Variants in WNK3 observed in about 807,000 individuals in gnomAD.
The protein encoded by WNK3 is serine/threonine-protein kinase WNK3.
WNK3 carries 18 observed loss-of-function variants against 116.7 expected under a neutral mutation model. The observed-to-expected ratio is 0.15, with a 90% CI of 0.11 to 0.23. The LOEUF is 0.23. Ranked by LOEUF, WNK3 falls within the 10% of genes least tolerant of loss-of-function variation. The pLI, the probability that WNK3 is intolerant of heterozygous loss-of-function variation, is 1.00. For missense variants in WNK3, 993 were observed against 1,323.8 expected (o/e 0.75, Z 3.88); for synonymous variants, 404 against 469.4 (o/e 0.86, Z 1.80).
chrX:54,305,729 A>C, intron 5 of WNK3, among the ~76,000 whole-genome samples: 1 of 110,463 alleles, frequency 9.1e-6, no homozygotes, highest in Non-Finnish European at 1.9e-5. Context: ...CTGTAAACTG[A>C]AGATTGCACC....
intron 17 of WNK3, among the ~76,000 whole-genome samples, chrX:54,240,284 C>T (rs782715013): frequency 1.4e-4 from 15 of 105,082 alleles, no homozygotes; most frequent in Non-Finnish European, 1.9e-5. Context: ...GCCTGGGCAA[C>T]AAGAACGAAA....
intron 10 of WNK3, among the ~76,000 whole-genome samples, chrX:54,280,085 T>C (rs1284353605): frequency 1.8e-5 from 2 of 111,584 alleles, no homozygotes; most frequent in Non-Finnish European, 3.8e-5. Context: ...GATCAGGAGG[T>C]CAGGAGTTCA....
intron 22 of WNK3, among the ~76,000 whole-genome samples, chrX:54,204,396 G>A (rs1403603664): frequency 8.9e-6 from 1 of 111,803 alleles, no homozygotes; most frequent in Non-Finnish European, 1.9e-5. Flanking sequence ...GAGATTACAG[G>A]TGTGAGCCAC....
chrX:54,313,757 C>T (rs2068915180), intron 2 of WNK3, among the ~76,000 whole-genome samples: 2 of 112,104 alleles, frequency 1.8e-5, no homozygotes, highest in South Asian at 3.6e-4. Context: ...TTTGAAAATG[C>T]TATTAGAGGT....
chrX:54,213,667 T>C (rs1037020610), intron 22 of WNK3, among the ~76,000 whole-genome samples: 2 of 98,723 alleles, frequency 2.0e-5, no homozygotes, highest in Non-Finnish European at 4.1e-5. Flanking sequence ...AAATTTAAAA[T>C]GGGAAAACAG....
intron 1 of WNK3, among the ~76,000 whole-genome samples, chrX:54,356,584 A>C (rs1557179439): frequency 8.9e-6 from 1 of 111,834 alleles, no homozygotes; most frequent in Admixed American, 9.6e-5. Flanking sequence ...GACCGTCTTA[A>C]AAGACACCCG....
chrX:54,308,336 C>T (rs1462371239), intron 4 of WNK3, among the ~76,000 whole-genome samples: 1 of 110,082 alleles, frequency 9.1e-6, no homozygotes, highest in Non-Finnish European at 1.9e-5. Context: ...GGATTACAAG[C>T]GCCTGCCACC....
chrX:54,195,568 A>G (rs1305290391), exon 24 of WNK3: 1 of 111,823 alleles, frequency 8.9e-6, no homozygotes, highest in East Asian at 2.8e-4. Context: ...TGAACCAAAC[A>G]TGTAAGTCAT....
intron 20 of WNK3, among the ~76,000 whole-genome samples, chrX:54,235,132 G>C (rs781903747): frequency 8.2e-4 from 92 of 111,744 alleles, no homozygotes; most frequent in African/African-American, 2.9e-3. Context: ...ATCTATCATT[G>C]GAATGACAGT....
chrX:54,310,723 G>A (rs371855394), intron 3 of WNK3, among the ~76,000 whole-genome samples: 15 of 108,925 alleles, frequency 1.4e-4, no homozygotes, highest in East Asian at 5.7e-4. Flanking sequence ...CACTAGATTC[G>A]AATCTACAAA....
chrX:54,318,130 G>A (rs2068984211), intron 2 of WNK3, among the ~76,000 whole-genome samples: 3 of 109,006 alleles, frequency 2.8e-5, no homozygotes, highest in African/African-American at 1.0e-4. Flanking sequence ...AGGTCAAGAC[G>A]GGCAGATAAC....
chrX:54,293,698 T>C (rs1013671214), intron 8 of WNK3, among the ~76,000 whole-genome samples: 4 of 112,077 alleles, frequency 3.6e-5, no homozygotes, highest in Non-Finnish European at 7.5e-5. Context: ...ATACTGTCTT[T>C]GTAGAACAAT....
At chrX:54,323,450 A>G (rs1298311754) in intron 2 of WNK3, among the ~76,000 whole-genome samples, 1 of 111,169 alleles carries the variant, frequency 9.0e-6, no homozygotes, top group Non-Finnish European at 1.9e-5. Context: ...GCTTGAGGCC[A>G]GGAGTTAGAG....
intron 22 of WNK3, among the ~76,000 whole-genome samples, chrX:54,219,554 T>C (rs1035317310): frequency 7.5e-5 from 8 of 106,024 alleles, no homozygotes; most frequent in Non-Finnish European, 1.4e-4. Context: ...GGCGGGCACC[T>C]GTAATCCCAG....
intron 13 of WNK3, among the ~76,000 whole-genome samples, chrX:54,252,978 A>C (rs1183984980): frequency 9.1e-6 from 1 of 110,234 alleles, no homozygotes; most frequent in Non-Finnish European, 1.9e-5. Context: ...GGGAAGAAAT[A>C]CTAACTTAAA....
intron 22 of WNK3, among the ~76,000 whole-genome samples, chrX:54,215,914 C>T (rs1296761255): frequency 9.0e-6 from 1 of 111,522 alleles, no homozygotes; most frequent in Non-Finnish European, 1.9e-5. Flanking sequence ...ACATAGGAGA[C>T]TCCATTTTGT....
intron 11 of WNK3, among the ~76,000 whole-genome samples, chrX:54,256,378 CAAG>C (rs1328254415): frequency 9.0e-6 from 1 of 111,309 alleles, no homozygotes; most frequent in Non-Finnish European, 1.9e-5. Flanking sequence ...GTATGGGAGA[CAAG>C]AATAGTGTTC....
chrX:54,325,949 T>C (rs1663548746), intron 2 of WNK3, among the ~76,000 whole-genome samples: 2 of 110,865 alleles, frequency 1.8e-5, no homozygotes, highest in Admixed American at 2.0e-4. Flanking sequence ...AACTAAAATA[T>C]AGTCTTCTAA....
chrX:54,311,232 C>T, exon 3 of WNK3: 1 of 1,205,623 alleles, frequency 8.3e-7, no homozygotes, highest in Non-Finnish European at 1.1e-6. Flanking sequence ...GCTGGAGACC[C>T]TTCAACATCT....
Sources: gnomAD v4.1 joint callset for allele counts (sites outside exome capture counted in the v4.1 genomes callset) on GRCh38, gnomAD v4.1.1 for gene constraint, MANE v1.5 for transcripts, NCBI Gene and HGNC (gene_info 2026-07-23, HGNC 2026-07-21) for gene names.